DAB1: variants seen among roughly 807,000 people sequenced by gnomAD.
DAB1 encodes disabled homolog 1.
Under a neutral mutation model 64.6 loss-of-function variants are expected in DAB1, and 15 were observed. The ratio of observed to expected loss-of-function variants is 0.23; its 90% CI spans 0.16 to 0.36. The LOEUF (loss-of-function observed/expected upper bound fraction) is 0.36, where lower values mean the gene tolerates loss of function less well. Ranked by LOEUF, DAB1 falls within the 10% of genes least tolerant of loss-of-function variation. The pLI is 1.00. For synonymous variants in DAB1, 235 were observed against 251.9 expected (o/e 0.93, Z 0.64); for missense variants, 596 against 706.7 (o/e 0.84, Z 1.78).
intron 9 of DAB1, among the ~76,000 whole-genome samples, chr1:57,028,166 AC>A (rs1646852250): frequency 6.6e-6 from 1 of 152,140 alleles, no homozygotes; most frequent in Admixed American, 6.5e-5. Context: ...GGAGGGACAC[AC>A]GGGGAGGTAA....
chr1:57,347,670 G>A (rs1297043888), intron 1 of DAB1, among the ~76,000 whole-genome samples: 1 of 152,176 alleles, frequency 6.6e-6, no homozygotes, highest in Non-Finnish European at 1.5e-5. Flanking sequence ...TGTTGTCCAA[G>A]CCATAATTTA....
At chr1:57,391,440 C>A (rs565032) in intron 1 of DAB1, among the ~76,000 whole-genome samples, 62,434 of 151,976 alleles carry the variant, frequency 0.41, 13,406 homozygotes, top group African/African-American at 0.47. Context: ...ATGTTAACCT[C>A]TGTAATCTTT....
chr1:58,327,138 T>G (rs1253741544), intron 4 of DAB1, among the ~76,000 whole-genome samples: 1 of 152,220 alleles, frequency 6.6e-6, no homozygotes, highest in Admixed American at 6.5e-5. Context: ...GAATACATCC[T>G]TAATAATCAG....
intron 7 of DAB1, among the ~76,000 whole-genome samples, chr1:57,570,367 T>G (rs1161002671): frequency 2.0e-5 from 3 of 147,456 alleles, no homozygotes; most frequent in Non-Finnish European, 4.5e-5. Flanking sequence ...GGCCTTGTGA[T>G]TACGTGAGTT....
chr1:58,380,980 T>C (rs1644381790), intron 3 of DAB1, among the ~76,000 whole-genome samples: 1 of 152,206 alleles, frequency 6.6e-6, no homozygotes, highest in South Asian at 2.1e-4. Context: ...AACGAGATCA[T>C]GTCCTTTGCA....
intron 3 of DAB1, among the ~76,000 whole-genome samples, chr1:58,458,835 A>C (rs1484724309): frequency 2.0e-5 from 3 of 152,022 alleles, no homozygotes; most frequent in African/African-American, 7.3e-5. Flanking sequence ...ACAAACAAAA[A>C]AAAAAAACGG....
At chr1:57,837,529 C>T (rs1215821430) in intron 1 of DAB1, among the ~76,000 whole-genome samples, 1 of 151,988 alleles carries the variant, frequency 6.6e-6, no homozygotes, top group Non-Finnish European at 1.5e-5. Context: ...TAAAATATCT[C>T]CCCCACTCCA....
intron 2 of DAB1, among the ~76,000 whole-genome samples, chr1:58,521,327 A>AG (rs1278891460): frequency 6.0e-5 from 7 of 117,574 alleles, no homozygotes; most frequent in South Asian, 3.9e-4. Context: ...TGTATGTACT[A>AG]GAAAAAAAAA....
chr1:58,223,325 C>T (rs1170462965), intron 4 of DAB1, among the ~76,000 whole-genome samples: 1 of 152,218 alleles, frequency 6.6e-6, no homozygotes, highest in Non-Finnish European at 1.5e-5. Context: ...TCAAGTGGCT[C>T]TAGCCATTTC....
chr1:57,256,121 G>A (rs1276303272), intron 2 of DAB1, among the ~76,000 whole-genome samples: 1 of 152,110 alleles, frequency 6.6e-6, no homozygotes, highest in Non-Finnish European at 1.5e-5. Context: ...TTACTTTAAA[G>A]GCAATTTTAC....
intron 1 of DAB1, chr1:58,530,838 A>G: frequency 1.5e-6 from 1 of 646,184 alleles, no homozygotes; most frequent in South Asian, 2.0e-5. Context: ...TCCACCTAAG[A>G]CTGAGAGTTC....
At chr1:57,201,906 G>A (rs967545151) in intron 2 of DAB1, among the ~76,000 whole-genome samples, 1 of 152,042 alleles carries the variant, frequency 6.6e-6, no homozygotes, top group African/African-American at 2.4e-5. Flanking sequence ...ATGTATGCAT[G>A]AATTTTAAAT....
At chr1:57,124,281 A>G (rs2100761428) in intron 4 of DAB1, among the ~76,000 whole-genome samples, 1 of 152,348 alleles carries the variant, frequency 6.6e-6, no homozygotes, top group South Asian at 2.1e-4. Flanking sequence ...GTGAAAATAT[A>G]GACACAGACT....
intron 6 of DAB1, among the ~76,000 whole-genome samples, chr1:57,705,527 T>G (rs578080789): frequency 6.6e-6 from 1 of 152,266 alleles, no homozygotes; most frequent in East Asian, 1.9e-4. Flanking sequence ...CTTTTTCCAT[T>G]TTTCTCTCTA....
chr1:57,079,252 A>G (rs962074100), intron 4 of DAB1, among the ~76,000 whole-genome samples: 1 of 151,868 alleles, frequency 6.6e-6, no homozygotes, highest in African/African-American at 2.4e-5. Flanking sequence ...TTTTTCTTTC[A>G]TATTCGAATT....
At chr1:57,112,510 C>G (rs981717790) in intron 4 of DAB1, among the ~76,000 whole-genome samples, 3 of 152,032 alleles carry the variant, frequency 2.0e-5, no homozygotes, top group East Asian at 3.9e-4. Flanking sequence ...ATGAAGCTGC[C>G]AAGCCCAGGT....
chr1:57,960,050 G>A (rs776556550), intron 5 of DAB1, among the ~76,000 whole-genome samples: 3 of 152,138 alleles, frequency 2.0e-5, no homozygotes, highest in South Asian at 2.1e-4. Flanking sequence ...GCCAGAGCGC[G>A]TTTCTGCTGC....
chr1:57,532,127 CTG>C (rs1644669912), intron 7 of DAB1, among the ~76,000 whole-genome samples: 1 of 152,092 alleles, frequency 6.6e-6, no homozygotes, highest in Admixed American at 6.6e-5. Flanking sequence ...TAGGTTTAAA[CTG>C]AATTCAGTTT....
At chr1:57,447,834 T>C (rs571342710) in intron 7 of DAB1, among the ~76,000 whole-genome samples, 2 of 152,132 alleles carry the variant, frequency 1.3e-5, no homozygotes. Flanking sequence ...AGAGGAGTCA[T>C]TGAAAGGCTC....
Sources: allele counts gnomAD v4.1 joint callset (sites outside exome capture counted in the v4.1 genomes callset), GRCh38; gene constraint gnomAD v4.1.1; transcripts MANE v1.5; gene names NCBI Gene and HGNC (gene_info 2026-07-23, HGNC 2026-07-21).